Variants in ASTN2 observed in about 807,000 individuals in gnomAD.
ASTN2 encodes astrotactin 2, also known as astrotactin-2.
Under a neutral mutation model 139.8 loss-of-function variants are expected in ASTN2, and 54 were observed. The observed-to-expected ratio is 0.39, with a 90% CI of 0.31 to 0.48. The LOEUF is 0.48. Among genes scored for constraint, ASTN2 ranks in the 20% least tolerant of loss-of-function variants. The pLI, the probability that ASTN2 is intolerant of heterozygous loss-of-function variation, is 0.95. For synonymous variants in ASTN2, 756 were observed against 719.5 expected, an observed-to-expected ratio of 1.05 and a Z score of -0.81; for missense variants, 1,565 against 1,725.1, an observed-to-expected ratio of 0.91 and a Z score of 1.64.
chr9:116,749,129 C>A (rs1238160490), intron 13 of ASTN2, among the ~76,000 whole-genome samples: 2 of 152,030 alleles, frequency 1.3e-5, no homozygotes, highest in Admixed American at 1.3e-4. Flanking sequence ...TCATCCTTGC[C>A]TCACATACTT....
chr9:116,601,130 G>T (rs1854875969), intron 19 of ASTN2, among the ~76,000 whole-genome samples: 1 of 152,144 alleles, frequency 6.6e-6, no homozygotes, highest in Non-Finnish European at 1.5e-5. Context: ...CAACAAGAGG[G>T]CCAAATCTAA....
At chr9:116,870,600 C>T (rs1240289332) in intron 10 of ASTN2, among the ~76,000 whole-genome samples, 1 of 152,000 alleles carries the variant, frequency 6.6e-6, no homozygotes, top group Non-Finnish European at 1.5e-5. Flanking sequence ...TTATTTTTTT[C>T]TGTTAATACT....
intron 2 of ASTN2, among the ~76,000 whole-genome samples, chr9:117,227,605 C>T (rs1053661057): frequency 6.6e-6 from 1 of 152,114 alleles, no homozygotes; most frequent in African/African-American, 2.4e-5. Context: ...TTAGCCTATA[C>T]CCGAGGACCG....
At position 116,699,826 on chromosome 9, in the gene ASTN2, A is replaced by G; in HGVS notation, c.2806+25945T>C. ...GTCCTGATTCCAGCTGGGTAGTTCT[A>G]GAACTTCAGAAGCTCCATCTTTTAA... On this transcript the variant is annotated intron_variant, in intron 16 of 22. Coordinates refer to ENST00000313400, the MANE Select transcript of ASTN2 (RefSeq NM_001365068.1). This position sits in a 1 kb window ranked among gnomAD's most constrained non-coding sequence, Gnocchi z 4.2. The G allele has an allele frequency of 7.5e-7, 1 of 1,325,066 alleles. No homozygotes were observed. The highest frequency in any genetic ancestry group is 1.1e-6 in the Non-Finnish European group (1 of 944,784). The allele number at this position is 1,325,066 out of a possible 1,614,324, so 82.1% of individuals were successfully genotyped here.
chr9:117,045,657 G>C (rs997984855), intron 5 of ASTN2, among the ~76,000 whole-genome samples: 6 of 152,114 alleles, frequency 3.9e-5, no homozygotes, highest in Non-Finnish European at 7.4e-5. Context: ...GTTGAGAGGA[G>C]AAAATGAAAT....
intron 2 of ASTN2, among the ~76,000 whole-genome samples, chr9:117,282,358 G>A (rs139788804): frequency 0.01 from 1,545 of 152,294 alleles, 23 homozygotes; most frequent in African/African-American, 0.035. Flanking sequence ...AGGAGGTTCA[G>A]TGGAACTGCC....
At chr9:116,761,839 C>T (rs1194077824) in intron 13 of ASTN2, among the ~76,000 whole-genome samples, 2 of 152,110 alleles carry the variant, frequency 1.3e-5, no homozygotes, top group African/African-American at 4.8e-5. Flanking sequence ...ATCATTCTGG[C>T]TGCTATATGG....
At chr9:116,837,425 G>A (rs1014172892) in intron 11 of ASTN2, among the ~76,000 whole-genome samples, 101 of 152,152 alleles carry the variant, frequency 6.6e-4, no homozygotes, top group African/African-American at 2.2e-3. Flanking sequence ...CGGGGAGGGA[G>A]AGGAAGATGC....
chr9:116,975,413 CT>C (rs1474907871), intron 9 of ASTN2, 68 bp from the exon 10 acceptor site: 3 of 1,471,222 alleles, frequency 2.0e-6, no homozygotes, highest in African/African-American at 2.8e-5. Flanking sequence ...AAAGGGGCCC[CT>C]GTTCCCATCC....
At chr9:116,503,724 A>AAT (rs1411585135) in intron 19 of ASTN2, among the ~76,000 whole-genome samples, 2 of 152,120 alleles carry the variant, frequency 1.3e-5, no homozygotes, top group African/African-American at 2.4e-5. Flanking sequence ...ATACATACTT[A>AAT]ATATATATAT....
chr9:116,999,266 T>C (rs1232972773), intron 7 of ASTN2, among the ~76,000 whole-genome samples: 1 of 152,200 alleles, frequency 6.6e-6, no homozygotes, highest in Non-Finnish European at 1.5e-5. Context: ...AGACTTTTAA[T>C]TTGTATCTTG....
At chr9:116,723,396 T>C (rs1427790606) in intron 16 of ASTN2, among the ~76,000 whole-genome samples, 1 of 152,214 alleles carries the variant, frequency 6.6e-6, no homozygotes, top group Non-Finnish European at 1.5e-5. Flanking sequence ...GAAGTTCCTT[T>C]ACCTGAGGTT....
chr9:117,090,393 AGTTCT>A (rs1380874149), intron 5 of ASTN2, among the ~76,000 whole-genome samples: 2 of 152,072 alleles, frequency 1.3e-5, no homozygotes, highest in Admixed American at 6.5e-5. Flanking sequence ...TGATGGCTAC[AGTTCT>A]GTGCTTTGGG....
In ASTN2 at chr9:116,709,318, G is replaced by T. The variant is rs138816466; in HGVS notation, c.2806+16453C>A. 3.4e-3 allele frequency among the ~76,000 whole-genome samples: 514 copies of T among 152,302 alleles called. 1 individual carries two copies. The highest frequency in any genetic ancestry group is 0.017 in the Middle Eastern group (5 of 292). On this transcript the variant is annotated intron_variant, in intron 16 of 22. Coordinates refer to ENST00000313400, the MANE Select transcript of ASTN2 (RefSeq NM_001365068.1). ...CCAGACCCTTTGGATATCTGTGGAA[G>T]CCCTTGCAATCAACAGAGTGAAGAG...
chr9:116,552,546 T>C lies in ASTN2; in HGVS notation c.3356-65046A>G, dbSNP rs1239322714. 2.0e-5 allele frequency among the ~76,000 whole-genome samples: 3 copies of C among 152,146 alleles called. 1 individual carries two copies. In the South Asian group the frequency reaches 6.2e-4, roughly 32 times the overall value. ...TGCCTACAGTCTAATAACATCATTTTGAAAACTGCTGAGCTAGTCCACACA... is the reference window on the plus strand; with the variant it reads ...TGCCTACAGTCTAATAACATCATTTCGAAAACTGCTGAGCTAGTCCACACA... On this transcript the variant is annotated intron_variant, in intron 19 of 22. Coordinates refer to ENST00000313400, the MANE Select transcript of ASTN2 (RefSeq NM_001365068.1).
intron 19 of ASTN2, among the ~76,000 whole-genome samples, chr9:116,492,927 A>G (rs1849560972): frequency 6.6e-6 from 1 of 152,214 alleles, no homozygotes; most frequent in Non-Finnish European, 1.5e-5. Flanking sequence ...CCAGTCTTCC[A>G]TATACTCACA....
intron 3 of ASTN2, among the ~76,000 whole-genome samples, chr9:117,160,783 G>C (rs1047231496): frequency 1.3e-5 from 2 of 151,976 alleles, no homozygotes; most frequent in African/African-American, 4.8e-5. Flanking sequence ...GTAACACAAA[G>C]AATGATACAA....
intron 10 of ASTN2, among the ~76,000 whole-genome samples, chr9:116,875,923 T>C (rs1833283777): frequency 6.6e-6 from 1 of 152,244 alleles, no homozygotes; most frequent in African/African-American, 2.4e-5. Context: ...AAGAGGTTAA[T>C]GTTGTTTTCA....
intron 20 of ASTN2, among the ~76,000 whole-genome samples, chr9:116,465,478 T>A (rs973093832): frequency 6.6e-6 from 1 of 152,186 alleles, no homozygotes; most frequent in Non-Finnish European, 1.5e-5. Context: ...AACACATTAT[T>A]AAAATATTTA....
Sources: allele counts gnomAD v4.1 joint callset (sites outside exome capture counted in the v4.1 genomes callset), GRCh38; gene constraint gnomAD v4.1.1; non-coding constraint Gnocchi (gnomAD v3.1); transcripts MANE v1.5; gene names NCBI Gene and HGNC (gene_info 2026-07-23, HGNC 2026-07-21).